Variants in UMAD1 observed in about 807,000 individuals in gnomAD.
UMAD1 encodes the protein UBAP1-MVB12-associated (UMA)-domain containing protein 1.
A neutral mutation model predicts 6.1 loss-of-function variants in UMAD1; 8 were observed. That is an observed-to-expected ratio of 1.30 (90% CI 0.76 to 2.35). UMAD1 has a LOEUF of 2.35. Ranked by LOEUF, UMAD1 falls within the 30% of genes most tolerant of loss-of-function variation. The pLI, the probability that UMAD1 is intolerant of heterozygous loss-of-function variation, is 0.00. For missense variants in UMAD1, 130 were observed against 78.4 expected (o/e 1.66, Z -2.49); for synonymous variants, 56 against 31.4 (o/e 1.78, Z -2.61).
intron 2 of UMAD1, among the ~76,000 whole-genome samples, chr7:7,717,161 A>C (rs1322713819): frequency 1.3e-5 from 2 of 148,536 alleles, no homozygotes; most frequent in Non-Finnish European, 3.0e-5. Flanking sequence ...GGTTCAAGCG[A>C]TTCTCTCACC....
At chr7:7,795,910 A>G (rs1426961565) in intron 2 of UMAD1, among the ~76,000 whole-genome samples, 2 of 152,116 alleles carry the variant, frequency 1.3e-5, no homozygotes, top group Non-Finnish European at 2.9e-5. Context: ...GTGACCTCAT[A>G]TCCCATCCTG....
At chr7:7,766,797 T>C (rs1220767425) in intron 2 of UMAD1, among the ~76,000 whole-genome samples, 2 of 152,224 alleles carry the variant, frequency 1.3e-5, no homozygotes, top group Non-Finnish European at 2.9e-5. Flanking sequence ...CAATTCATTT[T>C]AAACCATATT....
At chr7:7,861,835 A>G (rs1365244551) in intron 3 of UMAD1, among the ~76,000 whole-genome samples, 2 of 152,238 alleles carry the variant, frequency 1.3e-5, no homozygotes, top group Non-Finnish European at 2.9e-5. Context: ...GAGCAATTCT[A>G]AGTACATACT....
chr7:7,849,279 G>C (rs1423697519), intron 3 of UMAD1, among the ~76,000 whole-genome samples: 1 of 152,052 alleles, frequency 6.6e-6, no homozygotes, highest in African/African-American at 2.4e-5. Flanking sequence ...ACTTCCCACA[G>C]TTGCTTTTCT....
At chr7:7,820,017 A>T (rs1466135636) in intron 3 of UMAD1, among the ~76,000 whole-genome samples, 1 of 152,230 alleles carries the variant, frequency 6.6e-6, no homozygotes, top group Non-Finnish European at 1.5e-5. Context: ...ACCATGACTA[A>T]CTTTGGGGTT....
chr7:7,803,329 G>A (rs117372937), intron 3 of UMAD1, among the ~76,000 whole-genome samples: 3,663 of 152,242 alleles, frequency 0.024, 52 homozygotes, highest in Middle Eastern at 0.068. Flanking sequence ...TTAAAAATTA[G>A]CTGAGTGTGG....
chr7:7,849,681 TA>T (rs1783876689), intron 3 of UMAD1, among the ~76,000 whole-genome samples: 1 of 152,144 alleles, frequency 6.6e-6, no homozygotes, highest in Admixed American at 6.6e-5. Flanking sequence ...TACCATTTAG[TA>T]GGAGATTCAG....
intron 1 of UMAD1, among the ~76,000 whole-genome samples, chr7:7,644,729 A>C (rs112956598): frequency 6.6e-6 from 1 of 151,116 alleles, no homozygotes; most frequent in African/African-American, 2.4e-5. Flanking sequence ...ACCACTACCT[A>C]TTTTCTTTAA....
intron 3 of UMAD1, among the ~76,000 whole-genome samples, chr7:7,870,013 C>A (rs1784306063): frequency 6.6e-6 from 1 of 152,034 alleles, no homozygotes; most frequent in Admixed American, 6.6e-5. Flanking sequence ...CACCCCTCTG[C>A]AAGAAAGGGA....
intron 1 of UMAD1, among the ~76,000 whole-genome samples, chr7:7,655,794 A>G (rs184374237): frequency 6.6e-6 from 1 of 151,836 alleles, no homozygotes; most frequent in African/African-American, 2.4e-5. Context: ...TTGTAGGTAT[A>G]TAGTAAGTGT....
chr7:7,702,946 A>C (rs1202560700), intron 2 of UMAD1, among the ~76,000 whole-genome samples: 4 of 152,220 alleles, frequency 2.6e-5, no homozygotes, highest in African/African-American at 9.6e-5. Context: ...CACTTGCGTC[A>C]TTCTCCAGTC....
intron 2 of UMAD1, among the ~76,000 whole-genome samples, chr7:7,746,233 T>A (rs1308021045): frequency 6.6e-6 from 1 of 152,170 alleles, no homozygotes; most frequent in Admixed American, 6.6e-5. Context: ...AAGCACAGTG[T>A]ACTGTTCTCA....
At chr7:7,665,297 A>G (rs1289692876) in intron 1 of UMAD1, among the ~76,000 whole-genome samples, 4 of 152,228 alleles carry the variant, frequency 2.6e-5, no homozygotes, top group South Asian at 4.1e-4. Flanking sequence ...CTGCTAAGCA[A>G]TTAGGCAGGC....
chr7:7,841,819 G>A (rs1244456743), intron 3 of UMAD1, among the ~76,000 whole-genome samples: 1 of 152,090 alleles, frequency 6.6e-6, no homozygotes, highest in Non-Finnish European at 1.5e-5. Context: ...CCAGATTTTA[G>A]CTTGCTATAA....
chr7:7,822,228 G>A (rs1783254118), intron 3 of UMAD1, among the ~76,000 whole-genome samples: 1 of 152,046 alleles, frequency 6.6e-6, no homozygotes, highest in African/African-American at 2.4e-5. Flanking sequence ...ACTGAGAATA[G>A]TACAGTGAAG....
intron 3 of UMAD1, among the ~76,000 whole-genome samples, chr7:7,805,716 T>A (rs10246157): frequency 0.18 from 28,125 of 152,182 alleles, 2,669 homozygotes; most frequent in Middle Eastern, 0.22. Flanking sequence ...CTTGATGATG[T>A]TAAGCCCTTT....
intron 3 of UMAD1, among the ~76,000 whole-genome samples, chr7:7,873,287 G>T (rs1784362405): frequency 6.6e-6 from 1 of 152,152 alleles, no homozygotes; most frequent in Non-Finnish European, 1.5e-5. Flanking sequence ...CTGCTCACAG[G>T]TGATCAAAGC....
intron 2 of UMAD1, among the ~76,000 whole-genome samples, chr7:7,722,401 C>T (rs1781066838): frequency 6.6e-6 from 1 of 151,972 alleles, no homozygotes; most frequent in East Asian, 1.9e-4. Context: ...ATAGAGAACA[C>T]TGATAGTCCT....
chr7:7,834,745 A>G (rs183097087), intron 3 of UMAD1, among the ~76,000 whole-genome samples: 1 of 152,238 alleles, frequency 6.6e-6, no homozygotes, highest in East Asian at 1.9e-4. Context: ...ATACCATCAC[A>G]TCGGCAGTTA....
Sources: allele counts gnomAD v4.1 joint callset (sites outside exome capture counted in the v4.1 genomes callset), GRCh38; gene constraint gnomAD v4.1.1; transcripts MANE v1.5; gene names NCBI Gene and HGNC (gene_info 2026-07-23, HGNC 2026-07-21).